Variants in MIS18A observed in about 807,000 individuals in gnomAD.
MIS18A encodes MIS18 kinetochore protein A.
In MIS18A, 14 loss-of-function variants were observed where a neutral mutation model predicts 25.0. The observed-to-expected ratio is 0.56, with a 90% CI of 0.37 to 0.88. The LOEUF (loss-of-function observed/expected upper bound fraction) is 0.88, where lower values mean the gene tolerates loss of function less well. Among genes scored for constraint, MIS18A ranks in the 40% least tolerant of loss-of-function variants. MIS18A has a pLI of 0.00. For synonymous variants in MIS18A, 134 were observed against 118.6 expected (o/e 1.13, Z -0.84); for missense variants, 292 against 290.8 (o/e 1.00, Z -0.03).
chr21:32,238,532 T>G, the MIS18A span, among the ~76,000 whole-genome samples: 1 of 152,200 alleles, frequency 6.6e-6, no homozygotes, highest in Non-Finnish European at 1.5e-5. Context: ...CACCCTGCTG[T>G]AAGTGCTAGA....
the MIS18A span, among the ~76,000 whole-genome samples, chr21:32,165,044 C>T: frequency 4.4e-3 from 674 of 152,208 alleles, 5 homozygotes; most frequent in African/African-American, 0.015. Flanking sequence ...ATTAAAAAGG[C>T]ATTACTTGGC....
chr21:32,210,981 A>C, the MIS18A span, among the ~76,000 whole-genome samples: 1 of 152,202 alleles, frequency 6.6e-6, no homozygotes, highest in African/African-American at 2.4e-5. Context: ...CTCTCAGGTC[A>C]TCTTGATAGC....
chr21:32,267,548 C>T (rs1490230269), downstream of MIS18A, among the ~76,000 whole-genome samples: 1 of 152,166 alleles, frequency 6.6e-6, no homozygotes, highest in Non-Finnish European at 1.5e-5. Context: ...TTGTACAGCC[C>T]CTTCCTTCCC....
At chr21:32,246,622 G>A in the MIS18A span, among the ~76,000 whole-genome samples, 1 of 152,200 alleles carries the variant, frequency 6.6e-6, no homozygotes, top group Admixed American at 6.5e-5. Flanking sequence ...TTTCATTCCA[G>A]AACTCAGAGT....
the MIS18A span, among the ~76,000 whole-genome samples, chr21:32,176,592 C>T: frequency 6.6e-6 from 1 of 152,034 alleles, no homozygotes; most frequent in Non-Finnish European, 1.5e-5. Flanking sequence ...GAATTTATAG[C>T]TTTAAAAGTG....
the MIS18A span, among the ~76,000 whole-genome samples, chr21:32,158,187 A>G: frequency 6.6e-6 from 1 of 152,216 alleles, no homozygotes; most frequent in South Asian, 2.1e-4. Flanking sequence ...TTTCAAAAAT[A>G]ATTTTTTTCC....
At chr21:32,167,219 T>A in the MIS18A span, among the ~76,000 whole-genome samples, 1 of 152,262 alleles carries the variant, frequency 6.6e-6, no homozygotes, top group African/African-American at 2.4e-5. Flanking sequence ...GATAATATGA[T>A]CCAGAGCTCT....
the MIS18A span, among the ~76,000 whole-genome samples, chr21:32,167,262 T>A: frequency 1.3e-5 from 2 of 152,110 alleles, no homozygotes; most frequent in Non-Finnish European, 2.9e-5. Context: ...CAGCCTTCAA[T>A]TGAAAATTAT....
At position 32,269,108 on chromosome 21, in the gene MIS18A, C is replaced by T. The variant is rs758995892; in HGVS notation, c.631G>A (p.Val211Ile). The change falls in exon 5 of 5, where the codon GTC becomes ATC. Residue 211 changes from valine (V) to isoleucine (I), a missense_variant. Physicochemically the swap from Val to Ile is conservative, Grantham distance 29 (BLOSUM62 3). Coordinates refer to ENST00000290130, the MANE Select transcript of MIS18A (RefSeq NM_018944.3). ...IEKSLTQMED[V>I]LKALQMKLWE... ...AGCTTCATTTGTAATGCTTTCAAGA[C>T]ATCTTCCATCTATTGAATTTAAAAA... 2.6e-5 allele frequency: 41 copies of T among 1,596,394 alleles called. No individual in the cohort carries two copies. Among genetic ancestry groups the T allele is most frequent in the Non-Finnish European group, 3.5e-5 (41 of 1,169,980 alleles).
chr21:32,270,325 G>T, intron 3 of MIS18A, 82 bp downstream of exon 3: 3 of 1,489,406 alleles, frequency 2.0e-6, no homozygotes, highest in South Asian at 1.2e-5. Flanking sequence ...TAACCAAACA[G>T]TATTGATTTA....
chr21:32,274,961 G>A, intron 1 of MIS18A, 65 bp from the exon 2 acceptor site: 1 of 1,336,726 alleles, frequency 7.5e-7, no homozygotes, highest in South Asian at 1.3e-5. Flanking sequence ...TGCAGACAGA[G>A]AGTTTCTAAT....
At chr21:32,278,037 C>T (rs1301755104) in intron 1 of MIS18A, 1 of 152,226 alleles carries the variant, frequency 6.6e-6, no homozygotes, top group African/African-American at 2.4e-5. Flanking sequence ...CACTTTATCC[C>T]TAAATACTGC....
At chr21:32,243,947 C>A in the MIS18A span, among the ~76,000 whole-genome samples, 1 of 151,880 alleles carries the variant, frequency 6.6e-6, no homozygotes, top group Admixed American at 6.6e-5. Flanking sequence ...CAGCGAGACC[C>A]CGACTCAAAA....
At chr21:32,154,851 T>G in the MIS18A span, among the ~76,000 whole-genome samples, 1 of 152,202 alleles carries the variant, frequency 6.6e-6, no homozygotes, top group Non-Finnish European at 1.5e-5. Context: ...TAGGAAGGGT[T>G]GTGGACAGCC....
chr21:32,165,011 T>C, the MIS18A span, among the ~76,000 whole-genome samples: 1 of 152,210 alleles, frequency 6.6e-6, no homozygotes, highest in Non-Finnish European at 1.5e-5. Flanking sequence ...AGAACTGTCC[T>C]ATGCCAATAG....
At chr21:32,275,904 T>A (rs1458706019) in intron 1 of MIS18A, among the ~76,000 whole-genome samples, 3 of 151,866 alleles carry the variant, frequency 2.0e-5, no homozygotes, top group Non-Finnish European at 4.4e-5. Flanking sequence ...TTCACTAACC[T>A]CCCCACTTCC....
chr21:32,156,718 C>T, the MIS18A span, among the ~76,000 whole-genome samples: 1 of 151,874 alleles, frequency 6.6e-6, no homozygotes, highest in Non-Finnish European at 1.5e-5. Context: ...TTTGGGTTTC[C>T]AGCGGGGGGT....
the MIS18A span, among the ~76,000 whole-genome samples, chr21:32,183,460 T>C: frequency 2.0e-5 from 3 of 152,204 alleles, no homozygotes; most frequent in Non-Finnish European, 2.9e-5. Flanking sequence ...ACAATAAGTA[T>C]AATATGTAAT....
chr21:32,218,937 G>A, the MIS18A span, among the ~76,000 whole-genome samples: 1 of 151,870 alleles, frequency 6.6e-6, no homozygotes, highest in Admixed American at 6.6e-5. Flanking sequence ...GTATGGTAGT[G>A]CGCACCTGTA....
Sources: allele counts gnomAD v4.1 joint callset (sites outside exome capture counted in the v4.1 genomes callset), GRCh38; gene constraint gnomAD v4.1.1; transcripts MANE v1.5; gene names NCBI Gene and HGNC (gene_info 2026-07-23, HGNC 2026-07-21).